The following SAMD13 variants were observed in gnomAD, a reference collection of about 807,000 sequenced individuals.
SAMD13 encodes the protein sterile alpha motif domain-containing protein 13.
In SAMD13, 9 loss-of-function variants were observed where a neutral mutation model predicts 12.4. That is an observed-to-expected ratio of 0.72 (90% confidence interval 0.44 to 1.26). SAMD13 has a LOEUF of 1.26. Ranked by LOEUF, SAMD13 falls within the 50% of genes most tolerant of loss-of-function variation. The pLI is 0.00. For synonymous variants in SAMD13, 46 were observed against 45.4 expected (o/e 1.01, Z -0.05); for missense variants, 84 against 119.6 (o/e 0.70, Z 1.39).
chr1:84,341,297 C>T (rs1212200499), intron 3 of SAMD13, among the ~76,000 whole-genome samples: 1 of 152,020 alleles, frequency 6.6e-6, no homozygotes, highest in African/African-American at 2.4e-5. Flanking sequence ...AGCTCCTCTG[C>T]TTGGGGTAGA....
intron 2 of SAMD13, among the ~76,000 whole-genome samples, chr1:84,307,806 A>C (rs1032670459): frequency 6.6e-6 from 1 of 152,148 alleles, no homozygotes; most frequent in Non-Finnish European, 1.5e-5. Flanking sequence ...TTATATTTTA[A>C]GACCCTTTTT....
At chr1:84,315,964 G>A (rs1678824084) in intron 2 of SAMD13, among the ~76,000 whole-genome samples, 1 of 151,914 alleles carries the variant, frequency 6.6e-6, no homozygotes, top group Non-Finnish European at 1.5e-5. Flanking sequence ...CTTGATGATT[G>A]GTGATTTTGA....
At chr1:84,314,974 GTCCC>G (rs535938803) in intron 2 of SAMD13, among the ~76,000 whole-genome samples, 25 of 145,328 alleles carry the variant, frequency 1.7e-4, no homozygotes, top group South Asian at 8.8e-4. Flanking sequence ...CCCTCCTTCT[GTCCC>G]TCCCTCCCTC....
intron 3 of SAMD13, among the ~76,000 whole-genome samples, chr1:84,327,574 A>G (rs1281950715): frequency 6.6e-6 from 1 of 151,388 alleles, no homozygotes; most frequent in Non-Finnish European, 1.5e-5. Flanking sequence ...CAAATGATTC[A>G]GGTTTGTGCA....
chr1:84,336,635 T>A (rs1257141010), intron 3 of SAMD13, among the ~76,000 whole-genome samples: 3 of 152,114 alleles, frequency 2.0e-5, no homozygotes, highest in African/African-American at 7.2e-5. Flanking sequence ...AAGATGAGAT[T>A]TGGGTGGGGA....
chr1:84,344,011 A>G (rs957265770), intron 3 of SAMD13, among the ~76,000 whole-genome samples: 1 of 151,980 alleles, frequency 6.6e-6, no homozygotes, highest in African/African-American at 2.4e-5. Flanking sequence ...CTCATTTGAT[A>G]AAATGGGCCT....
At chr1:84,311,242 A>G (rs188119584) in intron 2 of SAMD13, among the ~76,000 whole-genome samples, 89 of 151,652 alleles carry the variant, frequency 5.9e-4, no homozygotes, top group African/African-American at 2.1e-3. Context: ...AGGCTGAGGC[A>G]GGAGAATCGC....
intron 3 of SAMD13, among the ~76,000 whole-genome samples, chr1:84,335,472 A>G (rs1679272974): frequency 6.6e-6 from 1 of 152,184 alleles, no homozygotes; most frequent in South Asian, 2.1e-4. Context: ...AGGGCAGCAT[A>G]CAGTTGGGTC....
chr1:84,299,087 A>T (rs1678381063), upstream of SAMD13, among the ~76,000 whole-genome samples: 1 of 151,350 alleles, frequency 6.6e-6, no homozygotes, highest in African/African-American at 2.4e-5. Flanking sequence ...GCCAGTTCTC[A>T]CTTGCCCCTG....
At chr1:84,299,754 T>G (rs1678407430), upstream of SAMD13, 1 of 482,524 alleles carries the variant, frequency 2.1e-6, no homozygotes, top group South Asian at 9.6e-5. Context: ...TGAAACCTGT[T>G]GTCATAATTT....
chr1:84,308,321 G>T (rs1041410713), intron 2 of SAMD13, among the ~76,000 whole-genome samples: 8 of 152,124 alleles, frequency 5.3e-5, no homozygotes, highest in Non-Finnish European at 1.5e-5. Flanking sequence ...CTCCAGAAAG[G>T]GATAACATGT....
intron 3 of SAMD13, among the ~76,000 whole-genome samples, chr1:84,327,956 A>G (rs575310610): frequency 1.6e-4 from 25 of 152,322 alleles, no homozygotes; most frequent in African/African-American, 5.1e-4. Context: ...CACTGGTACA[A>G]TGTCCATTTG....
chr1:84,339,585 GC>G (rs1679378581), intron 3 of SAMD13, among the ~76,000 whole-genome samples: 1 of 152,130 alleles, frequency 6.6e-6, no homozygotes, highest in Non-Finnish European at 1.5e-5. Flanking sequence ...CTGTCTGCTG[GC>G]CACAACACTC....
In SAMD13 at chr1:84,324,477, T is replaced by G. The variant is rs141747606; in HGVS notation, c.54-1160T>G. Among the ~76,000 whole-genome samples, 4 of 152,358 alleles carry G rather than the reference T, an allele frequency of 2.6e-5. No individual in the cohort carries two copies. The East Asian group carries it at 7.7e-4, about 29-fold the overall frequency. ...TCCCTTTAACTATCATAGTAAATGATGCTTGTCCTTCTTAGCATTTAGCAT... is the reference window on the plus strand; with the variant it reads ...TCCCTTTAACTATCATAGTAAATGAGGCTTGTCCTTCTTAGCATTTAGCAT... On this transcript the variant is annotated intron_variant, in intron 2 of 3. Transcript: ENST00000394834.
At chr1:84,323,895 T>C (rs887598836) in intron 2 of SAMD13, among the ~76,000 whole-genome samples, 2 of 152,200 alleles carry the variant, frequency 1.3e-5, no homozygotes, top group Non-Finnish European at 2.9e-5. Flanking sequence ...CCCACTCTTC[T>C]GCTTTGTGCT....
rs548107341 is a variant in SAMD13 at position 84,331,922 on chromosome 1, G to A, written c.165+6174G>A. 3.7e-4 allele frequency among the ~76,000 whole-genome samples: 56 copies of A among 152,032 alleles called. No individual in the cohort carries two copies. The South Asian group carries it at 6.0e-3, about 16-fold the overall frequency. On this transcript the variant is annotated intron_variant, in intron 3 of 3. Transcript: ENST00000394834. Reference sequence around the variant, plus strand: ...CCTCAAGTAGGCCCCAGTGTCTATTGTTCCTTTCTTCATGTCCGTATGTGC... The same window carrying A: ...CCTCAAGTAGGCCCCAGTGTCTATTATTCCTTTCTTCATGTCCGTATGTGC...
upstream of SAMD13, chr1:84,299,474 C>A (rs1678393363): frequency 6.5e-6 from 3 of 463,252 alleles, no homozygotes; most frequent in East Asian, 9.8e-5. Flanking sequence ...TTGCCTCTCC[C>A]CCTCACCCCC....
upstream of SAMD13, among the ~76,000 whole-genome samples, chr1:84,299,226 T>G (rs1040268537): frequency 2.6e-5 from 4 of 151,750 alleles, no homozygotes; most frequent in Non-Finnish European, 5.9e-5. Context: ...CCTAGGCGAG[T>G]CCTTTCTGCC....
chr1:84,333,429 C>T (rs1201047952), intron 3 of SAMD13, among the ~76,000 whole-genome samples: 1 of 152,040 alleles, frequency 6.6e-6, no homozygotes. Context: ...TTTCACCTCC[C>T]CGGTTAGCTG....
Sources: allele counts gnomAD v4.1 joint callset (sites outside exome capture counted in the v4.1 genomes callset), GRCh38; gene constraint gnomAD v4.1.1; transcripts MANE v1.5; gene names NCBI Gene and HGNC (gene_info 2026-07-23, HGNC 2026-07-21).